OPCML: variants seen among roughly 807,000 people sequenced by gnomAD.
OPCML encodes the protein opioid-binding protein/cell adhesion molecule.
Under a neutral mutation model 37.8 loss-of-function variants are expected in OPCML, and 13 were observed. The observed-to-expected ratio is 0.34, with a 90% CI of 0.22 to 0.55. The LOEUF (loss-of-function observed/expected upper bound fraction) is 0.55, where lower values mean the gene tolerates loss of function less well. Ranked by LOEUF, OPCML falls within the 20% of genes least tolerant of loss-of-function variation. The pLI is 0.91. For synonymous variants in OPCML, 176 were observed against 168.8 expected (o/e 1.04, Z -0.33); for missense variants, 341 against 435.6 (o/e 0.78, Z 1.93).
chr11:132,639,933 A>C (rs1940748325), intron 3 of OPCML, among the ~76,000 whole-genome samples: 1 of 152,242 alleles, frequency 6.6e-6, no homozygotes, highest in Admixed American at 6.5e-5. Context: ...GCAGAAAATC[A>C]CTGCAAGGCA....
At chr11:132,571,301 T>C (rs2096437866) in intron 3 of OPCML, among the ~76,000 whole-genome samples, 1 of 152,102 alleles carries the variant, frequency 6.6e-6, no homozygotes, top group Non-Finnish European at 1.5e-5. Context: ...TACTGGCTTC[T>C]TTCTTCCCCA....
chr11:133,253,883 C>A (rs1941231546), intron 1 of OPCML, among the ~76,000 whole-genome samples: 1 of 136,462 alleles, frequency 7.3e-6, no homozygotes, highest in South Asian at 2.5e-4. Context: ...CCCTTCCCTT[C>A]TCCTGCTCCC....
intron 2 of OPCML, among the ~76,000 whole-genome samples, chr11:132,725,146 C>T (rs1034359875): frequency 6.6e-6 from 1 of 152,212 alleles, no homozygotes; most frequent in East Asian, 1.9e-4. Context: ...CTGCACTGCC[C>T]TAGCAGAGGT....
chr11:132,978,929 T>C (rs754261025), intron 1 of OPCML, among the ~76,000 whole-genome samples: 2 of 152,170 alleles, frequency 1.3e-5, no homozygotes, highest in Non-Finnish European at 2.9e-5. Flanking sequence ...AAATTGAACA[T>C]GTGCAAACCC....
At chr11:133,242,543 TC>T (rs1940770057) in intron 1 of OPCML, among the ~76,000 whole-genome samples, 1 of 152,192 alleles carries the variant, frequency 6.6e-6, no homozygotes, top group African/African-American at 2.4e-5. Flanking sequence ...ATGGGGTCTT[TC>T]TTTGTGCAGG....
chr11:133,070,615 G>A (rs148804809), intron 1 of OPCML, among the ~76,000 whole-genome samples: 1 of 152,312 alleles, frequency 6.6e-6, no homozygotes, highest in East Asian at 1.9e-4. Flanking sequence ...CAAAGAAGGT[G>A]CAACTGAAAC....
chr11:132,898,334 C>T (rs1244887836), intron 2 of OPCML, among the ~76,000 whole-genome samples: 1 of 152,172 alleles, frequency 6.6e-6, no homozygotes, highest in Admixed American at 6.5e-5. Flanking sequence ...TGCAATGCTT[C>T]TGCCAATACT....
intron 2 of OPCML, among the ~76,000 whole-genome samples, chr11:132,758,759 G>C (rs1946153473): frequency 6.6e-6 from 1 of 152,104 alleles, no homozygotes; most frequent in South Asian, 2.1e-4. Context: ...GAGACATTTT[G>C]ACTTCTTCTC....
intron 2 of OPCML, among the ~76,000 whole-genome samples, chr11:132,748,419 G>C (rs1275574478): frequency 2.6e-5 from 4 of 152,186 alleles, no homozygotes; most frequent in African/African-American, 9.7e-5. Context: ...AGAGTGCCCA[G>C]CATCATGCAG....
chr11:133,248,564 C>T (rs192637529), intron 1 of OPCML, among the ~76,000 whole-genome samples: 2 of 152,214 alleles, frequency 1.3e-5, no homozygotes, highest in African/African-American at 4.8e-5. Context: ...TTCCCTGCAG[C>T]TGTGCTCAGA....
chr11:132,897,389 A>T (rs557648228), intron 2 of OPCML, among the ~76,000 whole-genome samples: 1 of 152,318 alleles, frequency 6.6e-6, no homozygotes, highest in East Asian at 1.9e-4. Flanking sequence ...CTACCAAGCC[A>T]GGAAGGGCAT....
At chr11:133,118,347 C>T in intron 1 of OPCML, 5 of 985,352 alleles carry the variant, frequency 5.1e-6, no homozygotes, top group Non-Finnish European at 6.0e-6. Context: ...GGTGCAAGGA[C>T]ATGCCGGTTG....
At chr11:133,449,359 T>C (rs757449799) in intron 1 of OPCML, among the ~76,000 whole-genome samples, 24 of 152,208 alleles carry the variant, frequency 1.6e-4, no homozygotes, top group Non-Finnish European at 3.4e-4. Context: ...TGTAAATGAA[T>C]GGGTGTGGCT....
chr11:132,844,605 G>C (rs1459256603), intron 2 of OPCML, among the ~76,000 whole-genome samples: 2 of 152,122 alleles, frequency 1.3e-5, no homozygotes, highest in East Asian at 3.8e-4. Context: ...ATGATTTAGA[G>C]TATAGACCAG....
chr11:133,532,118 G>A, intron 1 of OPCML, 146 bp downstream of exon 1: 1 of 1,343,458 alleles, frequency 7.4e-7, no homozygotes, highest in Non-Finnish European at 1.0e-6. Flanking sequence ...CGTGCACACA[G>A]CAAGCCTACC....
chr11:133,026,094 C>A (rs1183343253), intron 1 of OPCML: 1 of 984,904 alleles, frequency 1.0e-6, no homozygotes, highest in African/African-American at 1.7e-5. Context: ...GAAGTTTGGG[C>A]ATATGTGTTC....
chr11:132,819,670 T>A (rs1213547053), intron 2 of OPCML, among the ~76,000 whole-genome samples: 4 of 152,208 alleles, frequency 2.6e-5, no homozygotes, highest in Non-Finnish European at 5.9e-5. Context: ...TGACACAATA[T>A]ATTTGTCTAG....
Position 132,656,386 on chromosome 11 carries a change from T to C in OPCML, c.379+701A>G, listed in dbSNP as rs568600442. ...AATATGAAATTTAAATTAAAAACTA[T>C]TTTAAAATGCACGTGACACAATTCC... On this transcript the variant is annotated intron_variant, in intron 3 of 7. Transcript: ENST00000524381. 2.0e-5 allele frequency among the ~76,000 whole-genome samples: 3 copies of C among 152,326 alleles called. No individual in the cohort carries two copies. In the South Asian group the frequency reaches 6.2e-4, roughly 32 times the overall value.
intron 1 of OPCML, among the ~76,000 whole-genome samples, chr11:133,084,067 CA>C (rs530635032): frequency 1.1e-3 from 172 of 152,106 alleles, no homozygotes; most frequent in African/African-American, 3.9e-3. Context: ...CCTCTCTTGA[CA>C]TTTTTTTTTT....
Sources: allele counts gnomAD v4.1 joint callset (sites outside exome capture counted in the v4.1 genomes callset), GRCh38; gene constraint gnomAD v4.1.1; transcripts MANE v1.5; gene names NCBI Gene and HGNC (gene_info 2026-07-23, HGNC 2026-07-21).